Variants in ATG16L2 observed in about 807,000 individuals in gnomAD.
The protein encoded by ATG16L2 is protein Atg16l2.
ATG16L2 carries 77 observed loss-of-function variants against 84.7 expected under a neutral mutation model. The ratio of observed to expected loss-of-function variants is 0.91; its 90% CI spans 0.76 to 1.10. The LOEUF is 1.10. ATG16L2 is among the 50% of genes least tolerant of loss of function. The pLI, the probability that ATG16L2 is intolerant of heterozygous loss-of-function variation, is 0.00. For missense variants in ATG16L2, 782 were observed against 817.6 expected (o/e 0.96, Z 0.53); for synonymous variants, 361 against 342.8 (o/e 1.05, Z -0.59).
chr11:72,828,274 G>A, intron 14 of ATG16L2, 85 bp from the exon 15 acceptor site: 1 of 1,522,624 alleles, frequency 6.6e-7, no homozygotes, highest in Non-Finnish European at 9.0e-7. Flanking sequence ...TGGTTAGCTA[G>A]GAAGGCTGCT....
At chr11:72,818,016 G>A (rs1237152823) in intron 3 of ATG16L2, 161 bp downstream of exon 3, 23 of 671,894 alleles carry the variant, frequency 3.4e-5, no homozygotes, top group African/African-American at 2.5e-4. Flanking sequence ...CTGAGCAGGG[G>A]TCAGAGTGCC....
intron 3 of ATG16L2, chr11:72,821,203 A>ATCTCG: frequency 1.0e-6 from 1 of 987,852 alleles, no homozygotes; most frequent in South Asian, 4.5e-5. Flanking sequence ...GTGAAGTGAG[A>ATCTCG]GTGGCAGTAC....
intron 5 of ATG16L2, among the ~76,000 whole-genome samples, chr11:72,839,413 G>A (rs1860836237): frequency 6.6e-6 from 1 of 152,226 alleles, no homozygotes; most frequent in Admixed American, 6.5e-5. Context: ...AACAACTGGA[G>A]AAAGGATCAG....
Position 72,816,780 on chromosome 11 carries a change from G to A in ATG16L2, c.171G>A (p.Leu57=), listed in dbSNP as rs1242294593. The change falls in exon 2 of 18, where the codon CTG becomes CTA. Residue 57 remains leucine (L), a synonymous_variant. Coordinates refer to ENST00000321297, the MANE Select transcript of ATG16L2 (RefSeq NM_033388.2). ...AELLDKFSKK[L]QPEPNSVTPT... is the part of the protein sequence containing the mutation. ...TGCTGGACAAGTTCTCAAAGAAGCT[G>A]CAGCCGGAGCCAAACAGTGTCACTC... 5 of 1,614,134 alleles carry A rather than the reference G, an allele frequency of 3.1e-6. No individual in the cohort carries two copies. Among genetic ancestry groups the A allele is most frequent in the East Asian group, 2.2e-5 (1 of 44,896 alleles).
downstream of ATG16L2, among the ~76,000 whole-genome samples, chr11:72,831,041 C>T (rs908231896): frequency 5.9e-5 from 9 of 152,222 alleles, no homozygotes; most frequent in African/African-American, 1.7e-4. Flanking sequence ...CCCCTTCCTT[C>T]GCCTGCCAGG....
At position 72,822,934 on chromosome 11, in the gene ATG16L2, CT is replaced by C. The variant is rs1476070327; in HGVS notation, c.799del (p.Cys267ValfsTer16). The C allele has an allele frequency of 1.3e-6, 2 of 1,575,096 alleles. No homozygotes were observed. The highest frequency in any genetic ancestry group is 2.3e-5 in the South Asian group (2 of 85,928). On this transcript the variant is annotated frameshift_variant, in exon 7 of 18. Coordinates refer to ENST00000321297, the MANE Select transcript of ATG16L2 (RefSeq NM_033388.2). LOFTEE classifies it high-confidence loss of function. The surrounding 1 kb of genome is among the most constrained non-coding windows in gnomAD (Gnocchi z 4.2). ...APEPEPLEKE[A>X]CEKWKRPFRS... Reference sequence around the variant, plus strand: ...GAGCCAGAGCCCCTGGAGAAGGAAGCTTGTGAGAAGTGGAAGAGGCCCTTCA... The same window carrying C: ...GAGCCAGAGCCCCTGGAGAAGGAAGCTGTGAGAAGTGGAAGAGGCCCTTCA...
intron 7 of ATG16L2, chr11:72,823,404 T>TCG: frequency 8.6e-6 from 3 of 350,050 alleles, no homozygotes; most frequent in South Asian, 4.4e-5. Context: ...TGTGTAGATG[T>TCG]GTGCTCACAC....
Position 72,816,964 on chromosome 11 carries a change from G to A in ATG16L2, c.218+137G>A, listed in dbSNP as rs898526596. The A allele has an allele frequency of 6.9e-6, 4 of 578,356 alleles. No individual in the cohort carries two copies. The Admixed American group carries it at 1.2e-4, about 17-fold the overall frequency. The allele number at this position is 578,356 out of a possible 1,614,324, so 35.8% of individuals were successfully genotyped here. ...GCCCAGGGGTGGTGGGGGTGGTGGA[G>A]GTGGTGGGGGTGGTGGGGGAGGCAG... On this transcript the variant is annotated intron_variant, in intron 2 of 17. Transcript: ENST00000321297.
Position 72,814,532 on chromosome 11 carries a change from A to G in ATG16L2, c.87A>G (p.Gln29=). The change falls in exon 1 of 18, where the codon CAA becomes CAG. Residue 29 remains glutamine, a synonymous_variant. Transcript: ENST00000321297. ...AGCTGCGGCTTCGGGACCGTACGCA[A>G]AAGGCGCTTTTCCTGGAGCTGGTGC... is the stretch of plus-strand genomic sequence containing the variant. ...VRQLRLRDRT[Q]KALFLELVPA... is the part of the protein sequence containing the mutation. 1 of 1,574,930 alleles carries G rather than the reference A, an allele frequency of 6.3e-7. No individual in the cohort carries two copies. Among genetic ancestry groups the G allele is most frequent in the Admixed American group, 1.8e-5 (1 of 55,506 alleles).
At position 72,822,283 on chromosome 11, in the gene ATG16L2, A is replaced by T. The variant is rs1384458250; in HGVS notation, c.632A>T (p.Glu211Val). ...RAAAERNLRN[E>V]RRERAKQARV... ...GCGGCCGAGCGCAACCTGCGCAACG[A>T]GCGCCGGGAGCGGTGAGGGAGCAGG... The change falls in exon 5 of 18, where the codon GAG becomes GTG. Residue 211 changes from glutamate to valine, a missense_variant. Transcript: ENST00000321297. The surrounding 1 kb of genome is among the most constrained non-coding windows in gnomAD (Gnocchi z 4.2). 1 of 1,509,270 alleles carries T rather than the reference A, an allele frequency of 6.6e-7. No individual in the cohort carries two copies. The highest frequency in any genetic ancestry group is 8.8e-7 in the Non-Finnish European group (1 of 1,138,134). 93.5% of individuals were successfully genotyped at this position (1,509,270 alleles called of 1,614,324 possible).
In ATG16L2 at chr11:72,822,071, G is replaced by A. The variant is rs762503254; in HGVS notation, c.420G>A (p.Ala140=). The A allele has an allele frequency of 1.4e-5, 21 of 1,529,888 alleles. No individual in the cohort carries two copies. The Admixed American group carries it at 2.6e-4, about 19-fold the overall frequency. 94.8% of individuals were successfully genotyped at this position (1,529,888 alleles called of 1,614,324 possible). A position where few individuals can be genotyped will look rare whatever the true frequency, so the allele number is the denominator to read the frequency against. Residue 140 remains alanine (A), a synonymous_variant, in exon 5 of 18, where the codon GCG becomes GCA. Coordinates refer to ENST00000321297, the MANE Select transcript of ATG16L2 (RefSeq NM_033388.2). This position sits in a 1 kb window ranked among gnomAD's most constrained non-coding sequence, Gnocchi z 4.2. ...TGGCAGCCCTGGAGGCCCGCGTGGC[G>A]CAGCTGCGAGAGGCGCGGGCGCAGC... The part of the protein sequence containing the change: ...SRLAALEARV[A]QLREARAQQA...
At position 72,828,773 on chromosome 11, in the gene ATG16L2, T is replaced by G; in HGVS notation, c.1667T>G (p.Phe556Cys). ...GGTTCTGACTGGACCAAAGCTGTGTTCAGGTATGTCCGTGAGAGCATATGC... is the reference window on the plus strand; with the variant it reads ...GGTTCTGACTGGACCAAAGCTGTGTGCAGGTATGTCCGTGAGAGCATATGC... Reference protein sequence around the residue: ...KCGSDWTKAVFSPDRSYALAG... With the variant: ...KCGSDWTKAVCSPDRSYALAG... The change falls in exon 16 of 18, where the codon TTC becomes TGC. Residue 556 changes from phenylalanine to cysteine, a missense_variant. Coordinates refer to ENST00000321297, the MANE Select transcript of ATG16L2 (RefSeq NM_033388.2). The G allele has an allele frequency of 6.2e-7, 1 of 1,614,128 alleles. No homozygotes were observed. The highest frequency in any genetic ancestry group is 8.5e-7 in the Non-Finnish European group (1 of 1,180,018).
intron 3 of ATG16L2, 126 bp from the exon 4 acceptor site, chr11:72,821,542 G>A: frequency 6.8e-7 from 1 of 1,476,114 alleles, no homozygotes; most frequent in Non-Finnish European, 8.9e-7. Flanking sequence ...CCTGTGTGGG[G>A]CTCAGCTTGC....
chr11:72,828,630 T>C (rs1462702263), intron 15 of ATG16L2, 99 bp from the exon 16 acceptor site: 1 of 1,592,598 alleles, frequency 6.3e-7, no homozygotes, highest in Non-Finnish European at 8.6e-7. Flanking sequence ...CCTGCTGAGG[T>C]ACCAAACCCC....
intron 10 of ATG16L2, 100 bp from the exon 11 acceptor site, chr11:72,826,073 G>C (rs1860329426): frequency 2.1e-6 from 2 of 960,926 alleles, no homozygotes; most frequent in African/African-American, 1.6e-5. Flanking sequence ...GGATGTGTCG[G>C]GGGGTGGGGC....
chr11:72,829,986 G>A (rs1200294913), downstream of ATG16L2, among the ~76,000 whole-genome samples: 1 of 152,158 alleles, frequency 6.6e-6, no homozygotes, highest in Non-Finnish European at 1.5e-5. Flanking sequence ...GGTCCCGGTG[G>A]GAAGATCCTA....
chr11:72,828,808 A>C (rs925049640), intron 16 of ATG16L2, 32 bp downstream of exon 16: 4 of 1,613,978 alleles, frequency 2.5e-6, no homozygotes, highest in Admixed American at 1.7e-5. Flanking sequence ...CCTGTGTCCA[A>C]GTGTGCCCTG....
At chr11:72,843,625 G>T in exon 6 of ATG16L2, 1 of 799,586 alleles carries the variant, frequency 1.3e-6, no homozygotes. Flanking sequence ...TCAAAATATT[G>T]AAATGATTTT....
intron 4 of ATG16L2, 71 bp downstream of exon 4, chr11:72,821,812 C>CG: frequency 6.7e-7 from 1 of 1,499,024 alleles, no homozygotes; most frequent in East Asian, 2.5e-5. Context: ...ATACGGGAGG[C>CG]GGGGGGAATG....
Sources: gnomAD v4.1 joint callset for allele counts (sites outside exome capture counted in the v4.1 genomes callset) on GRCh38, gnomAD v4.1.1 for gene constraint, Gnocchi (gnomAD v3.1) non-coding constraint, MANE v1.5 for transcripts, NCBI Gene and HGNC (gene_info 2026-07-23, HGNC 2026-07-21) for gene names.